CNTNAP2: variants seen among roughly 807,000 people sequenced by gnomAD.
The protein encoded by CNTNAP2 is contactin-associated protein-like 2.
CNTNAP2 carries 98 observed loss-of-function variants against 155.2 expected under a neutral mutation model. The ratio of observed to expected loss-of-function variants is 0.63; its 90% CI spans 0.54 to 0.75. CNTNAP2 has a LOEUF of 0.75. Among genes scored for constraint, CNTNAP2 ranks in the 30% least tolerant of loss-of-function variants. CNTNAP2 has a pLI of 0.00. For synonymous variants in CNTNAP2, 651 were observed against 631.2 expected (o/e 1.03, Z -0.47); for missense variants, 1,727 against 1,688.1 (o/e 1.02, Z -0.40).
At chr7:147,608,726 T>G (rs986207809) in intron 12 of CNTNAP2, among the ~76,000 whole-genome samples, 2 of 152,160 alleles carry the variant, frequency 1.3e-5, no homozygotes, top group Non-Finnish European at 2.9e-5. Flanking sequence ...CGTGTCTGTG[T>G]GAAGAGACCA....
intron 1 of CNTNAP2, among the ~76,000 whole-genome samples, chr7:146,714,014 TA>T (rs908189195): frequency 2.1e-4 from 32 of 151,618 alleles, no homozygotes; most frequent in East Asian, 9.7e-4. Flanking sequence ...ATAGAGCAAA[TA>T]AAAAAAAATT....
intron 13 of CNTNAP2, among the ~76,000 whole-genome samples, chr7:147,708,024 A>C (rs1221264968): frequency 6.6e-6 from 1 of 152,098 alleles, no homozygotes; most frequent in African/African-American, 2.4e-5. Context: ...ACCTGTCCTC[A>C]GACCTCCCAG....
chr7:146,945,972 C>T (rs1276404584), intron 3 of CNTNAP2, among the ~76,000 whole-genome samples: 1 of 152,068 alleles, frequency 6.6e-6, no homozygotes, highest in Non-Finnish European at 1.5e-5. Context: ...CCCACCTTCT[C>T]CAATTTAGAA....
At chr7:147,370,766 A>C (rs1186981278) in intron 9 of CNTNAP2, among the ~76,000 whole-genome samples, 1 of 152,172 alleles carries the variant, frequency 6.6e-6, no homozygotes, top group African/African-American at 2.4e-5. Flanking sequence ...ATGAGATCAA[A>C]AGATGCATCT....
At chr7:147,280,156 G>A (rs1469307536) in intron 8 of CNTNAP2, among the ~76,000 whole-genome samples, 2 of 151,864 alleles carry the variant, frequency 1.3e-5, no homozygotes, top group Admixed American at 1.3e-4. Flanking sequence ...TGGGAAAGCC[G>A]CTGTTTAAAC....
At chr7:146,385,068 C>T (rs1359125707) in intron 1 of CNTNAP2, among the ~76,000 whole-genome samples, 2 of 152,132 alleles carry the variant, frequency 1.3e-5, no homozygotes, top group Non-Finnish European at 2.9e-5. Flanking sequence ...GCAGCATATA[C>T]ATGTTAAGCT....
At chr7:147,906,790 C>A (rs1180625476) in intron 14 of CNTNAP2, among the ~76,000 whole-genome samples, 1 of 152,076 alleles carries the variant, frequency 6.6e-6, no homozygotes, top group Non-Finnish European at 1.5e-5. Context: ...TATATATTAG[C>A]CTCTGAAGCC....
intron 3 of CNTNAP2, among the ~76,000 whole-genome samples, chr7:146,923,434 G>A (rs1796543591): frequency 6.6e-6 from 1 of 152,092 alleles, no homozygotes; most frequent in East Asian, 1.9e-4. Flanking sequence ...GAAGAGATTG[G>A]GTTTCGTTCT....
rs1802323017 is a variant in CNTNAP2 at position 147,175,585 on chromosome 7, G to A, written c.1348+43076G>A. On this transcript the variant is annotated intron_variant, in intron 8 of 23. Transcript: ENST00000361727. ...GTGAAAAATAGTGTTGAAGAAGGAA[G>A]AGGGACACAGAGAAAGAAATAACTT... is the stretch of plus-strand genomic sequence containing the variant. 2.6e-5 allele frequency among the ~76,000 whole-genome samples: 4 copies of A among 152,148 alleles called. No individual in the cohort carries two copies. In the South Asian group the frequency reaches 6.2e-4, roughly 24 times the overall value.
At chr7:146,630,852 G>A (rs1252129616) in intron 1 of CNTNAP2, among the ~76,000 whole-genome samples, 1 of 151,928 alleles carries the variant, frequency 6.6e-6, no homozygotes, top group Non-Finnish European at 1.5e-5. Context: ...AACTTAAAAG[G>A]GATGTGAAAG....
intron 1 of CNTNAP2, among the ~76,000 whole-genome samples, chr7:146,260,561 A>G (rs1799905048): frequency 1.3e-5 from 2 of 152,186 alleles, no homozygotes; most frequent in Admixed American, 6.5e-5. Flanking sequence ...CATGGAGTCA[A>G]AAGAGATTAT....
intron 1 of CNTNAP2, among the ~76,000 whole-genome samples, chr7:146,674,816 G>A (rs919041391): frequency 6.6e-6 from 1 of 152,088 alleles, no homozygotes; most frequent in Non-Finnish European, 1.5e-5. Flanking sequence ...AGTAAATAAG[G>A]GCTATTTAGT....
At chr7:146,159,638 CAAAG>C (rs1272333627) in intron 1 of CNTNAP2, among the ~76,000 whole-genome samples, 3 of 152,006 alleles carry the variant, frequency 2.0e-5, no homozygotes, top group Non-Finnish European at 4.4e-5. Context: ...TTGAAAGAGA[CAAAG>C]AAGGCCATTA....
intron 1 of CNTNAP2, among the ~76,000 whole-genome samples, chr7:146,709,921 G>C (rs995800750): frequency 6.6e-6 from 1 of 152,158 alleles, no homozygotes; most frequent in Non-Finnish European, 1.5e-5. Flanking sequence ...TCTGAGTATG[G>C]GGATTTAGAA....
At chr7:148,324,050 A>AT in intron 21 of CNTNAP2, among the ~76,000 whole-genome samples, 1 of 151,828 alleles carries the variant, frequency 6.6e-6, no homozygotes, top group Admixed American at 6.6e-5. Flanking sequence ...CACTCCACTA[A>AT]TTTTTTGTAT....
At chr7:147,725,546 C>G (rs1796626849) in intron 13 of CNTNAP2, among the ~76,000 whole-genome samples, 1 of 152,018 alleles carries the variant, frequency 6.6e-6, no homozygotes, top group Non-Finnish European at 1.5e-5. Context: ...ATGAGTGTCC[C>G]CCACTCTCTC....
chr7:146,173,939 G>C (rs1798430925), intron 1 of CNTNAP2, among the ~76,000 whole-genome samples: 1 of 152,136 alleles, frequency 6.6e-6, no homozygotes, highest in Admixed American at 6.5e-5. Context: ...AGGAGCTGTG[G>C]CTCAAGCCTG....
At chr7:147,073,122 CTT>C (rs59033495) in intron 4 of CNTNAP2, among the ~76,000 whole-genome samples, 76,924 of 142,054 alleles carry the variant, frequency 0.54, 23,456 homozygotes, top group East Asian at 0.74. Context: ...AAAGCCTTTT[CTT>C]TTTTTTTTTT....
intron 14 of CNTNAP2, among the ~76,000 whole-genome samples, chr7:147,957,565 C>T (rs773344327): frequency 9.2e-5 from 14 of 151,994 alleles, no homozygotes; most frequent in Non-Finnish European, 1.5e-4. Flanking sequence ...CAGTGGGAAA[C>T]GAGATGCTCA....
Sources: allele counts gnomAD v4.1 joint callset (sites outside exome capture counted in the v4.1 genomes callset), GRCh38; gene constraint gnomAD v4.1.1; transcripts MANE v1.5; gene names NCBI Gene and HGNC (gene_info 2026-07-23, HGNC 2026-07-21).